The following CCDC169 variants were observed in gnomAD, a reference collection of about 807,000 sequenced individuals.
CCDC169 encodes coiled-coil domain containing 169.
Under a neutral mutation model 36.0 loss-of-function variants are expected in CCDC169, and 30 were observed. The observed-to-expected ratio is 0.83, with a 90% confidence interval of 0.62 to 1.13. The LOEUF (loss-of-function observed/expected upper bound fraction) is 1.13. Ranked by LOEUF, CCDC169 falls within the 50% of genes most tolerant of loss-of-function variation. The pLI is 0.00. For missense variants in CCDC169, 245 were observed against 245.9 expected, an observed-to-expected ratio of 1.00 and a Z score of 0.03; for synonymous variants, 85 against 81.5, an observed-to-expected ratio of 1.04 and a Z score of -0.23.
chr13:36,282,514 C>T, intron 4 of CCDC169: 1 of 985,258 alleles, frequency 1.0e-6, no homozygotes, highest in Non-Finnish European at 1.2e-6. Flanking sequence ...ACCAAACACT[C>T]ATGAAAGCAC....
In CCDC169 at chr13:36,248,458, T is replaced by G. The variant is rs537278598; in HGVS notation, c.545+148A>C. On this transcript the variant is annotated intron_variant, in intron 7 of 7. Transcript: ENST00000239859. ...ATAAATAGTGGAACAGATCACAACT[T>G]CTTTAAGTTCTCTTACCATATGCAA... The G allele has an allele frequency of 4.7e-6, 3 of 642,684 alleles. No homozygotes were observed. In the Admixed American group the frequency reaches 9.5e-5, roughly 20 times the overall value. The allele number at this position is 642,684 out of a possible 1,614,324, so 39.8% of individuals were successfully genotyped here.
intron 4 of CCDC169, chr13:36,282,407 A>G (rs571762888): frequency 1.7e-5 from 17 of 985,388 alleles, no homozygotes; most frequent in African/African-American, 8.7e-5. Context: ...TTGGATCCCA[A>G]TGCTTTTTGC....
chr13:36,250,252 C>T (rs754977279), intron 6 of CCDC169, among the ~76,000 whole-genome samples: 4 of 152,010 alleles, frequency 2.6e-5, no homozygotes, highest in Non-Finnish European at 4.4e-5. Context: ...GCAGATATAT[C>T]CAGGAATAGC....
At chr13:36,234,979 T>G (rs911443842) in intron 7 of CCDC169, among the ~76,000 whole-genome samples, 2 of 152,112 alleles carry the variant, frequency 1.3e-5, no homozygotes, top group African/African-American at 2.4e-5. Context: ...ATCTCCTAAC[T>G]GATTAAGAAA....
chr13:36,279,865 C>T (rs1877285753), intron 4 of CCDC169, among the ~76,000 whole-genome samples: 1 of 152,130 alleles, frequency 6.6e-6, no homozygotes, highest in Non-Finnish European at 1.5e-5. Context: ...TATCCATCTA[C>T]AGAAAAGTTT....
At chr13:36,279,038 C>T (rs1426126084) in intron 4 of CCDC169, among the ~76,000 whole-genome samples, 1 of 152,000 alleles carries the variant, frequency 6.6e-6, no homozygotes, top group African/African-American at 2.4e-5. Context: ...TCATGAAATC[C>T]TCATTCCTAA....
intron 1 of CCDC169, 54 bp downstream of exon 1, chr13:36,297,583 T>C (rs928524317): frequency 4.5e-5 from 69 of 1,516,554 alleles, no homozygotes; most frequent in Non-Finnish European, 6.1e-5. Context: ...ACTCTGCAGG[T>C]GAAGGCTCGG....
chr13:36,224,904 C>A (rs922015740), downstream of CCDC169: 3 of 152,014 alleles, frequency 2.0e-5, no homozygotes, highest in African/African-American at 7.2e-5. Flanking sequence ...TGTAAAGCTA[C>A]AGTAATCAAA....
chr13:36,269,306 C>A (rs1306912840), intron 4 of CCDC169, among the ~76,000 whole-genome samples: 1 of 152,016 alleles, frequency 6.6e-6, no homozygotes, highest in Non-Finnish European at 1.5e-5. Flanking sequence ...AATAAGAACA[C>A]CCAGGACCAG....
chr13:36,234,166 A>G (rs939967109), intron 7 of CCDC169, among the ~76,000 whole-genome samples: 1 of 152,196 alleles, frequency 6.6e-6, no homozygotes, highest in Non-Finnish European at 1.5e-5. Context: ...ATAAGTTTCT[A>G]TAACTCATTG....
downstream of CCDC169, among the ~76,000 whole-genome samples, chr13:36,228,611 G>A (rs1327025914): frequency 1.3e-5 from 2 of 152,104 alleles, no homozygotes; most frequent in East Asian, 1.9e-4. Context: ...CCACGCTGGA[G>A]TGCAGTGGCT....
At chr13:36,257,752 T>C (rs921488477) in intron 4 of CCDC169, among the ~76,000 whole-genome samples, 3 of 151,552 alleles carry the variant, frequency 2.0e-5, no homozygotes, top group African/African-American at 7.3e-5. Flanking sequence ...ATTGAGCTCC[T>C]TGTAAAAGGG....
chr13:36,248,617 A>G lies in CCDC169; in HGVS notation c.534T>C (p.Asn178=), dbSNP rs1374353888. ...ATAGCTAGACTTACGTTTTCACTAG[A>G]TTCTCTTGCATCCTAGGCAGTTGAT... is the stretch of plus-strand genomic sequence containing the variant. ...QVDQLPRMQE[N]LVKTGRYNPA... Residue 178 remains asparagine, a synonymous_variant, in exon 7 of 8, where the codon AAT becomes AAC. Transcript: ENST00000239859. 8 of 1,549,500 alleles carry G rather than the reference A, an allele frequency of 5.2e-6. No homozygotes were observed. The highest frequency in any genetic ancestry group is 7.0e-6 in the Non-Finnish European group (8 of 1,145,604).
chr13:36,230,979 C>T lies in CCDC169; in HGVS notation c.*214G>A. ...TCAGATTCCCTAGGATATTTTAAAA[C>T]TCTCAAGCACTTCTATTACATAGTT... On this transcript the variant is annotated 3_prime_UTR_variant, in exon 8 of 8. Coordinates refer to ENST00000239859, the MANE Select transcript of CCDC169 (RefSeq NM_001144981.3). The T allele has an allele frequency of 7.8e-7, 1 of 1,284,608 alleles. No individual in the cohort carries two copies. The highest frequency in any genetic ancestry group is 9.8e-7 in the Non-Finnish European group (1 of 1,016,278). The allele number at this position is 1,284,608 out of a possible 1,614,324, so 79.6% of individuals were successfully genotyped here. A position where few individuals can be genotyped will look rare whatever the true frequency, so the allele number is the denominator to read the frequency against.
chr13:36,280,928 T>C (rs9575790), intron 4 of CCDC169: 39,038 of 157,532 alleles, frequency 0.25, 5,186 homozygotes, highest in East Asian at 0.48. Flanking sequence ...TAAAACACTA[T>C]ATTTCCTAGC....
chr13:36,224,205 T>C (rs530147999), downstream of CCDC169: 1 of 152,302 alleles, frequency 6.6e-6, no homozygotes, highest in African/African-American at 2.4e-5. Flanking sequence ...TCATCATTAT[T>C]GTTTTGACAT....
chr13:36,261,729 C>T (rs530612125), intron 4 of CCDC169, among the ~76,000 whole-genome samples: 101 of 152,310 alleles, frequency 6.6e-4, no homozygotes, highest in African/African-American at 2.3e-3. Context: ...CACACTACCA[C>T]TAGAAGATAA....
chr13:36,227,160 C>T, downstream of CCDC169: 1 of 1,284,404 alleles, frequency 7.8e-7, no homozygotes, highest in Non-Finnish European at 1.1e-6. Flanking sequence ...CATGTGAGAT[C>T]ACAATCCTGG....
chr13:36,245,446 A>G (rs1352250761), intron 7 of CCDC169, among the ~76,000 whole-genome samples: 4 of 151,220 alleles, frequency 2.6e-5, no homozygotes, highest in African/African-American at 9.7e-5. Context: ...ACTACAGTGC[A>G]CACCATCACA....
Sources: allele counts gnomAD v4.1 joint callset (sites outside exome capture counted in the v4.1 genomes callset), GRCh38; gene constraint gnomAD v4.1.1; transcripts MANE v1.5; gene names NCBI Gene and HGNC (gene_info 2026-07-23, HGNC 2026-07-21).